The following RXRA variants were observed in gnomAD, a reference collection of about 807,000 sequenced individuals.
The protein encoded by RXRA is retinoid X receptor alpha, also known as retinoic acid receptor RXR-alpha.
In RXRA, 5 loss-of-function variants were observed where a neutral mutation model predicts 44.5. The ratio of observed to expected loss-of-function variants is 0.11; its 90% CI spans 0.06 to 0.24. The LOEUF (loss-of-function observed/expected upper bound fraction) is 0.24, where lower values mean the gene tolerates loss of function less well. Among genes scored for constraint, RXRA ranks in the 10% least tolerant of loss-of-function variants. RXRA has a pLI of 1.00. For missense variants in RXRA, 412 were observed against 646.5 expected (o/e 0.64, Z 3.93); for synonymous variants, 291 against 271.4 (o/e 1.07, Z -0.71).
intron 4 of RXRA, among the ~76,000 whole-genome samples, chr9:134,410,658 G>A (rs1279641144): frequency 3.3e-5 from 5 of 152,226 alleles, no homozygotes; most frequent in South Asian, 2.1e-4. Context: ...GTGCCCAGGC[G>A]TGGAGACTGG....
chr9:134,353,799 G>C (rs921501527), intron 1 of RXRA, among the ~76,000 whole-genome samples: 1 of 152,240 alleles, frequency 6.6e-6, no homozygotes, highest in Non-Finnish European at 1.5e-5. Context: ...GGCCGTGCCT[G>C]TTGGGTGTGT....
chr9:134,385,974 G>A (rs879439331), intron 1 of RXRA, among the ~76,000 whole-genome samples: 15 of 152,242 alleles, frequency 9.9e-5, no homozygotes, highest in African/African-American at 2.2e-4. Flanking sequence ...GTCGTGTCTC[G>A]GATTGAGGAA....
intron 1 of RXRA, among the ~76,000 whole-genome samples, chr9:134,362,282 A>T (rs1212097073): frequency 2.0e-5 from 3 of 151,972 alleles, no homozygotes; most frequent in Admixed American, 6.5e-5. Flanking sequence ...CTTGACCCTG[A>T]ACCCCCTCCC....
At chr9:134,414,525 C>T (rs1425567558) in intron 4 of RXRA, among the ~76,000 whole-genome samples, 3 of 152,252 alleles carry the variant, frequency 2.0e-5, no homozygotes, top group Non-Finnish European at 2.9e-5. Context: ...GGGACTTGGC[C>T]GGGGCCACAC....
chr9:134,335,683 G>C (rs1356383492), intron 1 of RXRA, among the ~76,000 whole-genome samples: 1 of 152,160 alleles, frequency 6.6e-6, no homozygotes, highest in Non-Finnish European at 1.5e-5. Flanking sequence ...CAGCCTGGCC[G>C]CCCCCAGCTG....
chr9:134,333,730 T>C (rs1835044478), intron 1 of RXRA, among the ~76,000 whole-genome samples: 1 of 152,160 alleles, frequency 6.6e-6, no homozygotes, highest in Non-Finnish European at 1.5e-5. Flanking sequence ...CCAATTTAGC[T>C]TAAGTGTCCA....
rs567113883 is a variant in RXRA at position 134,365,054 on chromosome 9, A to T, written c.29-36578A>T. On this transcript the variant is annotated intron_variant, in intron 1 of 9. Coordinates refer to ENST00000481739, the MANE Select transcript of RXRA (RefSeq NM_002957.6). This position sits in a 1 kb window ranked among gnomAD's most constrained non-coding sequence, Gnocchi z 4.0. ...CCCAGCTGGGGGATGGGGCAGGCCC[A>T]CAGCTTCTGGGGAGAGCGTTTCCCA... 6.6e-6 allele frequency among the ~76,000 whole-genome samples: 1 copy of T among 152,306 alleles called. No individual in the cohort carries two copies. Among genetic ancestry groups the T allele is most frequent in the African/African-American group, 2.4e-5 (1 of 41,560 alleles).
rs1041370174 is a variant in RXRA at position 134,440,370 on chromosome 9, G to A, written c.*3756G>A. 6.6e-6 allele frequency: 1 copy of A among 152,526 alleles called. No homozygotes were observed. Among genetic ancestry groups the A allele is most frequent in the East Asian group, 1.9e-4 (1 of 5,186 alleles). The allele number at this position is 152,526 out of a possible 1,614,324, so 9.4% of individuals were successfully genotyped here. On this transcript the variant is annotated 3_prime_UTR_variant, in exon 10 of 10. Coordinates refer to ENST00000481739, the MANE Select transcript of RXRA (RefSeq NM_002957.6). ...TCTTCCCTTTCGAGTAATTTTTAAA[G>A]CCTTGCTCTGTTGTGTCCTGTTGCC...
At position 134,417,344 on chromosome 9, in the gene RXRA, G is replaced by T; in HGVS notation, c.780+17G>T. On this transcript the variant is annotated intron_variant, in intron 5 of 9. Coordinates refer to ENST00000481739, the MANE Select transcript of RXRA (RefSeq NM_002957.6). This position sits in a 1 kb window ranked among gnomAD's most constrained non-coding sequence, Gnocchi z 6.1. ...CCCAGCTCGGTGAGTTGCAGCCTGT[G>T]CAGGGGTGGGCAGCCTCACATGCCT... 1 of 1,608,480 alleles carries T rather than the reference G, an allele frequency of 6.2e-7. No individual in the cohort carries two copies. Among genetic ancestry groups the T allele is most frequent in the African/African-American group, 1.3e-5 (1 of 74,976 alleles).
At position 134,437,149 on chromosome 9, in the gene RXRA, G is replaced by A. The variant is rs928029812; in HGVS notation, c.*535G>A. The A allele has an allele frequency of 2.5e-5, 4 of 158,866 alleles. No homozygotes were observed. Among genetic ancestry groups the A allele is most frequent in the Admixed American group, 5.9e-5 (1 of 16,924 alleles). The allele number at this position is 158,866 out of a possible 1,614,324, so 9.8% of individuals were successfully genotyped here. On this transcript the variant is annotated 3_prime_UTR_variant, in exon 10 of 10. Coordinates refer to ENST00000481739, the MANE Select transcript of RXRA (RefSeq NM_002957.6). ...CGCAAGCTGGTGTGTCATCAGCAAA[G>A]ACCTCAGCCGCCTCGGGGATGAGAG...
intron 5 of RXRA, among the ~76,000 whole-genome samples, chr9:134,420,234 G>A (rs1702602851): frequency 1.3e-5 from 2 of 152,348 alleles, no homozygotes; most frequent in South Asian, 2.1e-4. Flanking sequence ...ATGGGCAGGC[G>A]AGAAGGATGG....
intron 1 of RXRA, among the ~76,000 whole-genome samples, chr9:134,354,288 G>A (rs554772039): frequency 2.6e-5 from 4 of 152,320 alleles, no homozygotes; most frequent in Non-Finnish European, 5.9e-5. Flanking sequence ...CCCTTCTACC[G>A]GGAGCTTAGT....
chr9:134,336,575 G>A (rs782340878), intron 1 of RXRA, among the ~76,000 whole-genome samples: 1 of 152,190 alleles, frequency 6.6e-6, no homozygotes, highest in East Asian at 1.9e-4. Flanking sequence ...GGTGGATGTC[G>A]CTGAATGGGC....
chr9:134,434,012 TG>T, intron 8 of RXRA, 89 bp from the exon 9 acceptor site: 2 of 922,536 alleles, frequency 2.2e-6, no homozygotes, highest in Non-Finnish European at 3.4e-6. Flanking sequence ...TGGGGCAGCC[TG>T]GGAGACCCCA....
intron 5 of RXRA, among the ~76,000 whole-genome samples, chr9:134,418,283 C>G (rs1564293091): frequency 2.0e-5 from 3 of 152,184 alleles, no homozygotes; most frequent in Non-Finnish European, 4.4e-5. Context: ...AGGTTCAGGA[C>G]TGTGCAGTAA....
intron 4 of RXRA, among the ~76,000 whole-genome samples, chr9:134,413,426 G>A (rs889807119): frequency 6.6e-6 from 1 of 152,174 alleles, no homozygotes; most frequent in Non-Finnish European, 1.5e-5. Context: ...CTGATGCCTT[G>A]CTCTAGGTTG....
intron 1 of RXRA, among the ~76,000 whole-genome samples, chr9:134,345,002 T>G (rs1694963306): frequency 6.6e-6 from 1 of 152,116 alleles, no homozygotes; most frequent in African/African-American, 2.4e-5. Flanking sequence ...CCTGCACCCC[T>G]GGGCCGTGTG....
intron 1 of RXRA, among the ~76,000 whole-genome samples, chr9:134,361,946 G>T (rs935593851): frequency 6.6e-6 from 1 of 152,196 alleles, no homozygotes; most frequent in South Asian, 2.1e-4. Flanking sequence ...ACATAGCTCC[G>T]GCTGCGCTGG....
At chr9:134,397,146 C>G (rs1210274283) in intron 1 of RXRA, among the ~76,000 whole-genome samples, 1 of 152,194 alleles carries the variant, frequency 6.6e-6, no homozygotes, top group Admixed American at 6.5e-5. Context: ...CTGTGCAGCT[C>G]AGGAACTTTG....
Sources: allele counts gnomAD v4.1 joint callset (sites outside exome capture counted in the v4.1 genomes callset), GRCh38; gene constraint gnomAD v4.1.1; non-coding constraint Gnocchi (gnomAD v3.1); transcripts MANE v1.5; gene names NCBI Gene and HGNC (gene_info 2026-07-23, HGNC 2026-07-21).